Variants in WDPCP observed in about 807,000 individuals in gnomAD.
The protein encoded by WDPCP is WD repeat containing planar cell polarity effector, also known as WD repeat-containing and planar cell polarity effector protein fritz homolog.
A neutral mutation model predicts 93.1 loss-of-function variants in WDPCP; 71 were observed. The observed-to-expected ratio is 0.76, with a 90% confidence interval of 0.63 to 0.93. The LOEUF (loss-of-function observed/expected upper bound fraction) is 0.93, where lower values mean the gene tolerates loss of function less well. WDPCP is among the 40% of genes least tolerant of loss of function. The pLI, the probability that WDPCP is intolerant of heterozygous loss-of-function variation, is 0.00. For missense variants in WDPCP, 844 were observed against 887.4 expected, an observed-to-expected ratio of 0.95 and a Z score of 0.62; for synonymous variants, 315 against 315.0, an observed-to-expected ratio of 1.00 and a Z score of 0.00.
intron 1 of WDPCP, among the ~76,000 whole-genome samples, chr2:63,821,457 T>C (rs1329990519): frequency 6.6e-6 from 1 of 152,162 alleles, no homozygotes; most frequent in Non-Finnish European, 1.5e-5. Flanking sequence ...GTAGTACAAA[T>C]GAGGAGGGTA....
At chr2:63,212,737 G>T (rs539035890) in intron 14 of WDPCP, among the ~76,000 whole-genome samples, 85 of 149,942 alleles carry the variant, frequency 5.7e-4, no homozygotes, top group African/African-American at 1.8e-3. Flanking sequence ...CACGTTCAGA[G>T]ACACACATAG....
intron 10 of WDPCP, among the ~76,000 whole-genome samples, chr2:63,403,281 G>A (rs1694291806): frequency 6.6e-6 from 1 of 151,810 alleles, no homozygotes; most frequent in South Asian, 2.1e-4. Context: ...TGAGGGAGGA[G>A]GATATGAGGA....
At chr2:63,333,423 A>T (rs1007717044) in intron 12 of WDPCP, among the ~76,000 whole-genome samples, 2 of 152,132 alleles carry the variant, frequency 1.3e-5, no homozygotes, top group South Asian at 2.1e-4. Flanking sequence ...TCCTTTGCAG[A>T]TCCAGGAGAT....
At chr2:63,682,880 A>G (rs1668739645) in intron 2 of WDPCP, among the ~76,000 whole-genome samples, 1 of 146,428 alleles carries the variant, frequency 6.8e-6, no homozygotes, top group South Asian at 2.1e-4. Flanking sequence ...AACAATAACT[A>G]TAACAACTTT....
intron 2 of WDPCP, among the ~76,000 whole-genome samples, chr2:63,661,922 C>T (rs890601129): frequency 5.9e-5 from 9 of 151,930 alleles, no homozygotes; most frequent in South Asian, 2.1e-4. Context: ...GATGTGAAGG[C>T]GAAGGTATAT....
chr2:63,419,351 AG>A (rs1312939598), intron 9 of WDPCP, among the ~76,000 whole-genome samples: 1 of 152,150 alleles, frequency 6.6e-6, no homozygotes, highest in African/African-American at 2.4e-5. Flanking sequence ...CATCTTGGCC[AG>A]GCTGGTCTTG....
chr2:63,743,927 A>T (rs992578765), intron 2 of WDPCP, among the ~76,000 whole-genome samples: 3 of 152,180 alleles, frequency 2.0e-5, no homozygotes, highest in African/African-American at 7.2e-5. Context: ...AACAGAAAGC[A>T]GTACTAATTA....
At chr2:63,717,311 T>C (rs577209856) in intron 2 of WDPCP, 5 of 531,824 alleles carry the variant, frequency 9.4e-6, no homozygotes, top group African/African-American at 5.8e-5. Context: ...GCAGGCCAAA[T>C]CACTGTGAAC....
intron 2 of WDPCP, among the ~76,000 whole-genome samples, chr2:63,707,789 G>T (rs959010754): frequency 3.3e-5 from 5 of 152,202 alleles, no homozygotes; most frequent in African/African-American, 1.2e-4. Context: ...TGATGGTGAT[G>T]TACAGATGGG....
chr2:63,599,191 G>A, intron 3 of WDPCP: 1 of 1,613,636 alleles, frequency 6.2e-7, no homozygotes. Context: ...GGGTAATCCA[G>A]CCAATACCAA....
chr2:63,313,855 T>C (rs1356302100), intron 12 of WDPCP, among the ~76,000 whole-genome samples: 3 of 37,074 alleles, frequency 8.1e-5, no homozygotes, highest in African/African-American at 2.3e-4. Flanking sequence ...TATTCATACA[T>C]ATATATATAT....
At chr2:63,229,891 G>GA (rs559412469) in intron 14 of WDPCP, 3,327 of 115,016 alleles carry the variant, frequency 0.029, 97 homozygotes, top group African/African-American at 0.083. Context: ...CCAGAAAAAG[G>GA]AAAAAAAAAA....
At chr2:63,589,268 G>A, upstream of WDPCP, 3 of 1,551,440 alleles carry the variant, frequency 1.9e-6, no homozygotes, top group South Asian at 2.4e-5. Flanking sequence ...GAGGACTCTG[G>A]AGAAGTAGTT....
chr2:63,683,553 C>A, intron 2 of WDPCP, among the ~76,000 whole-genome samples: 1 of 151,856 alleles, frequency 6.6e-6, no homozygotes, highest in Non-Finnish European at 1.5e-5. Flanking sequence ...AAGACAAAAG[C>A]TATAAAAAGA....
intron 13 of WDPCP, among the ~76,000 whole-genome samples, chr2:63,288,541 G>A (rs1217196077): frequency 2.0e-5 from 3 of 152,212 alleles, no homozygotes; most frequent in African/African-American, 7.2e-5. Flanking sequence ...CAAAGATACA[G>A]AAAAGTTTCA....
At chr2:63,534,443 T>A (rs1704108337) in intron 1 of WDPCP, among the ~76,000 whole-genome samples, 2 of 152,004 alleles carry the variant, frequency 1.3e-5, no homozygotes, top group Admixed American at 1.3e-4. Context: ...CTGATGAACA[T>A]CAATGCAAAA....
intron 1 of WDPCP, among the ~76,000 whole-genome samples, chr2:63,577,975 G>A (rs1639121748): frequency 6.6e-6 from 1 of 152,180 alleles, no homozygotes. Context: ...ATTGTGGGAA[G>A]TCTAGTTTTG....
chr2:63,723,683 T>A (rs983470367), intron 2 of WDPCP, among the ~76,000 whole-genome samples: 2 of 152,152 alleles, frequency 1.3e-5, no homozygotes, highest in African/African-American at 4.8e-5. Context: ...TGCTGATGAG[T>A]GACACCTCTG....
At chr2:63,612,315 G>A (rs1575729700) in intron 3 of WDPCP, among the ~76,000 whole-genome samples, 1 of 152,148 alleles carries the variant, frequency 6.6e-6, no homozygotes, top group African/African-American at 2.4e-5. Flanking sequence ...TAAATGGAAA[G>A]CACATGGTAA....
Sources: allele counts gnomAD v4.1 joint callset (sites outside exome capture counted in the v4.1 genomes callset), GRCh38; gene constraint gnomAD v4.1.1; transcripts MANE v1.5; gene names NCBI Gene and HGNC (gene_info 2026-07-23, HGNC 2026-07-21).